Variants in AP3B1 observed in about 807,000 individuals in gnomAD.
AP3B1 encodes the protein adaptor related protein complex 3 subunit beta 1.
A neutral mutation model predicts 132.5 loss-of-function variants in AP3B1; 61 were observed. That is an observed-to-expected ratio of 0.46 (90% CI 0.37 to 0.57). AP3B1 has a LOEUF of 0.57. Ranked by LOEUF, AP3B1 falls within the 20% of genes least tolerant of loss-of-function variation. The pLI, the probability that AP3B1 is intolerant of heterozygous loss-of-function variation, is 0.00. For synonymous variants in AP3B1, 388 were observed against 438.3 expected, an observed-to-expected ratio of 0.89 and a Z score of 1.43; for missense variants, 1,120 against 1,289.4, an observed-to-expected ratio of 0.87 and a Z score of 2.01.
chr5:78,091,066 C>T (rs1197725456), intron 21 of AP3B1, among the ~76,000 whole-genome samples: 1 of 151,862 alleles, frequency 6.6e-6, no homozygotes, highest in Non-Finnish European at 1.5e-5. Flanking sequence ...GGATTACAGG[C>T]GTGTGCCACA....
intron 22 of AP3B1, among the ~76,000 whole-genome samples, chr5:78,071,716 C>A (rs1749550886): frequency 6.6e-6 from 1 of 152,100 alleles, no homozygotes; most frequent in Non-Finnish European, 1.5e-5. Context: ...GTATTAAGCA[C>A]TGGGAATAAA....
At chr5:78,237,045 C>A (rs6861163) in intron 3 of AP3B1, among the ~76,000 whole-genome samples, 50,212 of 152,016 alleles carry the variant, frequency 0.33, 8,378 homozygotes, top group Middle Eastern at 0.42. Context: ...TCATTTAAAT[C>A]CAGTACTAAT....
chr5:78,240,166 C>A (rs1344794535), intron 3 of AP3B1, among the ~76,000 whole-genome samples: 1 of 152,198 alleles, frequency 6.6e-6, no homozygotes, highest in Non-Finnish European at 1.5e-5. Context: ...TAATGAGCTT[C>A]ATCATCTGCC....
intron 2 of AP3B1, among the ~76,000 whole-genome samples, chr5:78,264,705 A>G (rs985054342): frequency 6.6e-6 from 1 of 152,272 alleles, no homozygotes; most frequent in African/African-American, 2.4e-5. Flanking sequence ...TATTGAAGGA[A>G]GAAAGGGAAA....
intron 17 of AP3B1, among the ~76,000 whole-genome samples, chr5:78,122,294 G>T (rs1752244625): frequency 1.3e-5 from 2 of 152,182 alleles, no homozygotes; most frequent in Admixed American, 6.5e-5. Context: ...CACAAGACAG[G>T]GATGCCCTCT....
chr5:78,237,417 C>A (rs1236864441), intron 3 of AP3B1, among the ~76,000 whole-genome samples: 1 of 151,994 alleles, frequency 6.6e-6, no homozygotes, highest in Non-Finnish European at 1.5e-5. Flanking sequence ...TCACTTGAGC[C>A]CAGGAAGTGA....
At chr5:78,045,644 C>T (rs1249672627) in intron 22 of AP3B1, among the ~76,000 whole-genome samples, 3 of 152,118 alleles carry the variant, frequency 2.0e-5, no homozygotes, top group African/African-American at 7.2e-5. Flanking sequence ...AGACCAGATA[C>T]CTATATTCCA....
chr5:78,129,000 T>C (rs1752581198), intron 16 of AP3B1, 121 bp downstream of exon 16: 5 of 837,566 alleles, frequency 6.0e-6, no homozygotes, highest in South Asian at 1.9e-5. Context: ...TGTTCTTATA[T>C]ATTTATATAT....
chr5:78,203,249 T>A (rs558113587), intron 7 of AP3B1, among the ~76,000 whole-genome samples: 1 of 152,252 alleles, frequency 6.6e-6, no homozygotes, highest in African/African-American at 2.4e-5. Context: ...ACTGGATAAT[T>A]TATAAAGAAA....
intron 12 of AP3B1, among the ~76,000 whole-genome samples, chr5:78,163,180 T>C (rs189986431): frequency 6.6e-6 from 1 of 152,284 alleles, no homozygotes; most frequent in African/African-American, 2.4e-5. Context: ...CTCATTCACC[T>C]GTGGCCATAG....
intron 23 of AP3B1, among the ~76,000 whole-genome samples, chr5:78,035,954 C>T (rs537957766): frequency 4.6e-5 from 7 of 152,150 alleles, no homozygotes; most frequent in African/African-American, 1.4e-4. Context: ...ATTCTTAATG[C>T]CTTCTGTGCC....
intron 23 of AP3B1, among the ~76,000 whole-genome samples, chr5:78,038,100 G>A (rs181275150): frequency 1.2e-4 from 19 of 152,256 alleles, no homozygotes; most frequent in African/African-American, 3.6e-4. Context: ...CCAAAGCTGG[G>A]GGCAGCCGCT....
At chr5:78,262,251 T>A (rs551478760) in intron 2 of AP3B1, among the ~76,000 whole-genome samples, 1 of 152,340 alleles carries the variant, frequency 6.6e-6, no homozygotes, top group Middle Eastern at 3.4e-3. Context: ...TAATCTACTT[T>A]TTTTTTACTG....
chr5:78,006,928 C>T (rs994803618), intron 26 of AP3B1, among the ~76,000 whole-genome samples: 18 of 152,086 alleles, frequency 1.2e-4, no homozygotes, highest in Admixed American at 1.2e-3. Flanking sequence ...ACAGAATAAG[C>T]TGGTTGTCAA....
At chr5:78,011,907 C>A (rs1405154247) in intron 26 of AP3B1, among the ~76,000 whole-genome samples, 4 of 151,946 alleles carry the variant, frequency 2.6e-5, no homozygotes, top group Non-Finnish European at 5.9e-5. Flanking sequence ...AAGAAAAGAT[C>A]CTGAAAAATT....
intron 7 of AP3B1, among the ~76,000 whole-genome samples, chr5:78,213,920 C>G (rs1695321132): frequency 6.6e-6 from 1 of 152,184 alleles, no homozygotes. Context: ...AAATTCAACG[C>G]TGCATAAGAA....
In AP3B1 at chr5:78,175,788, C is replaced by T. The variant is rs774857414; in HGVS notation, c.1091G>A (p.Arg364Lys). 18 of 1,612,268 alleles carry T rather than the reference C, an allele frequency of 1.1e-5. No homozygotes were observed. In the African/African-American group the frequency reaches 1.7e-4, roughly 16 times the overall value. The change falls in exon 10 of 27, where the codon AGA (arginine) becomes AAA (lysine). Residue 364 changes from arginine to lysine, a missense_variant. Around this residue, in one of 3 missense-constraint regions of AP3B1, gnomAD observed 906 missense variants for 997.1 expected, o/e 0.91. Coordinates refer to ENST00000255194, the MANE Select transcript of AP3B1 (RefSeq NM_003664.5). ...LQNIATMSIQ[R>K]KGMFEPYLKS... is the part of the protein sequence containing the mutation. ...ACGTGTTCAGAACATACATACCTTTCTTTGAATTGACATAGTTGCTATATT... is the reference window on the plus strand; with the variant it reads ...ACGTGTTCAGAACATACATACCTTTTTTTGAATTGACATAGTTGCTATATT...
chr5:78,076,076 T>C (rs753590450), intron 22 of AP3B1, among the ~76,000 whole-genome samples: 1 of 152,216 alleles, frequency 6.6e-6, no homozygotes, highest in Non-Finnish European at 1.5e-5. Flanking sequence ...AAATGTGGAA[T>C]TTAGCAAATA....
At chr5:78,005,303 C>CTTTT (rs1746344833) in intron 26 of AP3B1, among the ~76,000 whole-genome samples, 1 of 152,176 alleles carries the variant, frequency 6.6e-6, no homozygotes, top group Non-Finnish European at 1.5e-5. Flanking sequence ...TGAATAGGAA[C>CTTTT]ACAAAAGCAC....
Sources: gnomAD v4.1 joint callset for allele counts (sites outside exome capture counted in the v4.1 genomes callset) on GRCh38, gnomAD v4.1.1 for gene constraint, gnomAD v4.1.1 regional missense constraint, MANE v1.5 for transcripts, NCBI Gene and HGNC (gene_info 2026-07-23, HGNC 2026-07-21) for gene names.